The following NME7 variants were observed in gnomAD, a reference collection of about 807,000 sequenced individuals.
The protein encoded by NME7 is NME/NM23 family member 7.
In NME7, 41 loss-of-function variants were observed where a neutral mutation model predicts 49.1. The observed-to-expected ratio is 0.83, with a 90% confidence interval of 0.65 to 1.08. The LOEUF (loss-of-function observed/expected upper bound fraction) is 1.08. NME7 is among the 50% of genes least tolerant of loss of function. NME7 has a pLI of 0.00. For synonymous variants in NME7, 139 were observed against 150.6 expected (o/e 0.92, Z 0.56); for missense variants, 423 against 463.4 (o/e 0.91, Z 0.80).
chr1:169,254,923 G>A lies in NME7; in HGVS notation c.755-17236C>T, dbSNP rs1191669426. 3.8e-5 allele frequency among the ~76,000 whole-genome samples: 5 copies of A among 131,636 alleles called. 1 individual carries two copies. The highest frequency in any genetic ancestry group is 7.7e-5 in the African/African-American group (3 of 38,930). 86.4% of individuals were successfully genotyped at this position (131,636 alleles called of 152,430 possible). A position where few individuals can be genotyped will look rare whatever the true frequency, so the allele number is the denominator to read the frequency against. ...TTCTAGTTTGATTGCACTGTGGTGTGAGAGATAGTTTGTTATAATTTCTGT... is the reference window on the plus strand; with the variant it reads ...TTCTAGTTTGATTGCACTGTGGTGTAAGAGATAGTTTGTTATAATTTCTGT... On this transcript the variant is annotated intron_variant, in intron 7 of 11. Coordinates refer to ENST00000367811, the MANE Select transcript of NME7 (RefSeq NM_013330.5).
intron 7 of NME7, among the ~76,000 whole-genome samples, chr1:169,260,568 G>A (rs1347353547): frequency 7.7e-6 from 1 of 129,164 alleles, no homozygotes; most frequent in African/African-American, 2.6e-5. Context: ...GATTAGCCCA[G>A]CTCTTGGGTA....
chr1:169,281,478 T>C (rs1198111869), intron 7 of NME7, among the ~76,000 whole-genome samples: 1 of 152,214 alleles, frequency 6.6e-6, no homozygotes, highest in Non-Finnish European at 1.5e-5. Context: ...GGCCAGAACA[T>C]CCAATACTAT....
At chr1:169,273,686 C>T (rs2101877016) in intron 7 of NME7, among the ~76,000 whole-genome samples, 1 of 126,788 alleles carries the variant, frequency 7.9e-6, no homozygotes, top group South Asian at 2.5e-4. Context: ...TGTTCAATTC[C>T]CATCTATGAG....
chr1:169,359,466 C>CTG (rs71557662), intron 1 of NME7, among the ~76,000 whole-genome samples: 17,779 of 151,150 alleles, frequency 0.12, 2,438 homozygotes, highest in East Asian at 0.78. Context: ...ATATGTATCT[C>CTG]TGTGTGTGTG....
chr1:169,301,080 C>T (rs1650918011), intron 5 of NME7, among the ~76,000 whole-genome samples: 1 of 152,026 alleles, frequency 6.6e-6, no homozygotes, highest in South Asian at 2.1e-4. Flanking sequence ...CAAAAATTGA[C>T]GAGTGGGACT....
chr1:169,214,147 A>C (rs10800418), intron 10 of NME7, among the ~76,000 whole-genome samples: 44,723 of 152,150 alleles, frequency 0.29, 7,329 homozygotes, highest in Non-Finnish European at 0.38. Flanking sequence ...AGAATGAGAA[A>C]GTGCTCTTCA....
chr1:169,172,323 C>CGTGTGTGTGTGTGTGTGTGTGTGTGT (rs200830717), intron 10 of NME7, among the ~76,000 whole-genome samples: 2 of 127,710 alleles, frequency 1.6e-5, no homozygotes, highest in African/African-American at 5.5e-5. Context: ...CAAAAACATA[C>CGTGTGTGTGTGTGTGTGTGTGTGTGT]GTGTGTGTGT....
At chr1:169,243,210 C>CA (rs1388108287) in intron 7 of NME7, among the ~76,000 whole-genome samples, 2 of 151,880 alleles carry the variant, frequency 1.3e-5, no homozygotes, top group East Asian at 1.9e-4. Context: ...TGGAACAGAA[C>CA]AAAAAAATCC....
chr1:169,141,795 T>C (rs1658605295), intron 11 of NME7, among the ~76,000 whole-genome samples: 1 of 152,142 alleles, frequency 6.6e-6, no homozygotes, highest in Admixed American at 6.6e-5. Context: ...GAAAAAGCTC[T>C]TAGATTGGAT....
intron 1 of NME7, among the ~76,000 whole-genome samples, chr1:169,324,836 G>A (rs1028169864): frequency 1.6e-4 from 24 of 152,186 alleles, no homozygotes; most frequent in African/African-American, 5.6e-4. Flanking sequence ...CTGAAAGCAA[G>A]TTTACATACA....
intron 11 of NME7, among the ~76,000 whole-genome samples, chr1:169,149,507 T>G (rs908293679): frequency 1.3e-5 from 2 of 152,162 alleles, no homozygotes; most frequent in Non-Finnish European, 2.9e-5. Context: ...AAACCACATA[T>G]AGTACCAAAC....
At chr1:169,359,799 A>G (rs1653594592) in intron 1 of NME7, among the ~76,000 whole-genome samples, 1 of 152,124 alleles carries the variant, frequency 6.6e-6, no homozygotes, top group African/African-American at 2.4e-5. Flanking sequence ...GATACATTTT[A>G]AAGAGTATAG....
Position 169,191,226 on chromosome 1 carries a change from C to T in NME7, c.991-21672G>A, listed in dbSNP as rs79541965. ...CATAATTTCCCAGGATTACCCTTAA[C>T]GTGTTTTCTATTTGGGGATATAAAG... On this transcript the variant is annotated intron_variant, in intron 10 of 11. Transcript: ENST00000367811. Among the ~76,000 whole-genome samples the T allele has an allele frequency of 2.8e-3, 421 of 152,270 alleles. 11 individuals are homozygous for T. Among genetic ancestry groups the T allele is most frequent in the East Asian group, 7.9e-3 (41 of 5,182 alleles).
intron 6 of NME7, among the ~76,000 whole-genome samples, chr1:169,296,986 T>TC (rs1014563163): frequency 4.7e-5 from 7 of 147,600 alleles, no homozygotes; most frequent in Non-Finnish European, 7.4e-5. Flanking sequence ...CTTTTTTTTT[T>TC]CCCCCGAGAT....
At chr1:169,282,455 C>T (rs934508507) in intron 7 of NME7, among the ~76,000 whole-genome samples, 3 of 152,056 alleles carry the variant, frequency 2.0e-5, no homozygotes, top group Non-Finnish European at 4.4e-5. Flanking sequence ...TCCTTCAGTT[C>T]TGCTCTGATG....
chr1:169,344,286 T>C (rs1571407226), intron 1 of NME7, among the ~76,000 whole-genome samples: 3 of 152,330 alleles, frequency 2.0e-5, no homozygotes, highest in Admixed American at 2.0e-4. Flanking sequence ...AGTAACTTTT[T>C]TGTGGAATCC....
chr1:169,353,718 A>G (rs1043612873), intron 1 of NME7, among the ~76,000 whole-genome samples: 2 of 152,128 alleles, frequency 1.3e-5, no homozygotes, highest in Non-Finnish European at 2.9e-5. Flanking sequence ...AAAATCTAAT[A>G]ATCTGACTAA....
Position 169,266,111 on chromosome 1 carries a change from T to C in NME7, c.754+21192A>G, listed in dbSNP as rs905782429. ...GGAGGGAATCCTCCTCAACTCATTC[T>C]ATGAGGCCATCATCATCCTGATACC... On this transcript the variant is annotated intron_variant, in intron 7 of 11. Coordinates refer to ENST00000367811, the MANE Select transcript of NME7 (RefSeq NM_013330.5). Among the ~76,000 whole-genome samples the C allele has an allele frequency of 8.3e-5, 11 of 132,740 alleles. 2 individuals carry two copies. The highest frequency in any genetic ancestry group is 2.8e-4 in the African/African-American group (11 of 39,292). The allele number at this position is 132,740 out of a possible 152,430, so 87.1% of individuals were successfully genotyped here.
In NME7 at chr1:169,190,303, A is replaced by G. The variant is rs1056294966; in HGVS notation, c.991-20749T>C. 3.9e-5 allele frequency among the ~76,000 whole-genome samples: 6 copies of G among 151,952 alleles called. No homozygotes were observed. In the South Asian group the frequency reaches 8.3e-4, roughly 21 times the overall value. ...GGAAATATATTTAATGATATTAGAG[A>G]AGACCACAATATATTTTTTAATTTA... On this transcript the variant is annotated intron_variant, in intron 10 of 11. Transcript: ENST00000367811.
Sources: allele counts gnomAD v4.1 joint callset (sites outside exome capture counted in the v4.1 genomes callset), GRCh38; gene constraint gnomAD v4.1.1; transcripts MANE v1.5; gene names NCBI Gene and HGNC (gene_info 2026-07-23, HGNC 2026-07-21).